The following AGO3 variants were observed in gnomAD, a reference collection of about 807,000 sequenced individuals.
The protein encoded by AGO3 is protein argonaute-3.
AGO3 carries 16 observed loss-of-function variants against 105.5 expected under a neutral mutation model. That is an observed-to-expected ratio of 0.15 (90% confidence interval 0.10 to 0.23). The LOEUF (loss-of-function observed/expected upper bound fraction) is 0.23. Among genes scored for constraint, AGO3 ranks in the 10% least tolerant of loss-of-function variants. The pLI is 1.00. For synonymous variants in AGO3, 340 were observed against 367.3 expected (o/e 0.93, Z 0.85); for missense variants, 534 against 1,088.0 (o/e 0.49, Z 7.16).
At chr1:36,025,774 A>C (rs888656366) in intron 11 of AGO3, among the ~76,000 whole-genome samples, 2 of 152,334 alleles carry the variant, frequency 1.3e-5, no homozygotes, top group East Asian at 3.9e-4. Context: ...GCAGTGGCTC[A>C]TGCCTGTAAT....
intron 2 of AGO3, among the ~76,000 whole-genome samples, chr1:35,952,434 C>T (rs1646491939): frequency 1.3e-5 from 2 of 152,068 alleles, no homozygotes; most frequent in Admixed American, 1.3e-4. Flanking sequence ...TGAGCCACTG[C>T]ATCCGGCCGG....
intron 1 of AGO3, among the ~76,000 whole-genome samples, chr1:35,934,005 A>C (rs1042989356): frequency 1.3e-5 from 2 of 152,226 alleles, no homozygotes; most frequent in African/African-American, 2.4e-5. Flanking sequence ...GATTTAACAA[A>C]AAAAAAGGTG....
Position 36,027,742 on chromosome 1 carries a change from G to A in AGO3, c.1591+444G>A, listed in dbSNP as rs1357763341. Among the ~76,000 whole-genome samples the A allele has an allele frequency of 1.3e-5, 2 of 150,386 alleles. No individual in the cohort carries two copies. Among genetic ancestry groups the A allele is most frequent in the Non-Finnish European group, 2.9e-5 (2 of 67,898 alleles). On this transcript the variant is annotated intron_variant, in intron 12 of 18. Transcript: ENST00000373191. This position sits in a 1 kb window ranked among gnomAD's most constrained non-coding sequence, Gnocchi z 4.0. ...TGCAGTGAGCCGAGATCGCACCGGT[G>A]CACTCCAGCCTGGGCGACAGAGCGA... is the stretch of plus-strand genomic sequence containing the variant.
At position 35,950,705 on chromosome 1, in the gene AGO3, A is replaced by C. The variant is rs1477851474; in HGVS notation, c.191+4842A>C. On this transcript the variant is annotated intron_variant, in intron 2 of 18. Transcript: ENST00000373191. ...GGTGAATGGTCTCAATGACTAAAAA[A>C]CAAATATTTTTTAGAAACATTATGA... Among the ~76,000 whole-genome samples the C allele has an allele frequency of 3.3e-5, 5 of 152,318 alleles. No homozygotes were observed. The South Asian group carries it at 8.3e-4, about 25-fold the overall frequency.
intron 17 of AGO3, among the ~76,000 whole-genome samples, chr1:36,046,079 C>T (rs949781821): frequency 6.6e-6 from 1 of 152,190 alleles, no homozygotes; most frequent in Non-Finnish European, 1.5e-5. Context: ...ACCTTGGACA[C>T]CTACACTGGG....
Position 36,013,616 on chromosome 1 carries a change from T to C in AGO3, c.1150-14T>C. ...GGAATTTTGAGAGTAACTACAAACT[T>C]TTTCTATTTTTAGGTAAGAAGTGCA... On this transcript the variant is annotated splice_polypyrimidine_tract_variant and intron_variant, in intron 9 of 18. Coordinates refer to ENST00000373191, the MANE Select transcript of AGO3 (RefSeq NM_024852.4). 1 of 1,612,206 alleles carries C rather than the reference T, an allele frequency of 6.2e-7. No homozygotes were observed. Among genetic ancestry groups the C allele is most frequent in the South Asian group, 1.1e-5 (1 of 90,856 alleles).
intron 1 of AGO3, among the ~76,000 whole-genome samples, chr1:35,942,204 C>T (rs559942554): frequency 2.6e-5 from 4 of 152,074 alleles, no homozygotes; most frequent in East Asian, 1.9e-4. Context: ...AGTCTCTTTT[C>T]ATCTACACTG....
chr1:36,020,694 C>A (rs1350847605), intron 11 of AGO3, among the ~76,000 whole-genome samples: 3 of 152,168 alleles, frequency 2.0e-5, no homozygotes, highest in African/African-American at 7.2e-5. Flanking sequence ...CGGCTCACTG[C>A]AACCTCCTCC....
intron 2 of AGO3, among the ~76,000 whole-genome samples, chr1:35,949,342 A>T (rs1041119125): frequency 1.3e-5 from 2 of 152,192 alleles, no homozygotes; most frequent in African/African-American, 4.8e-5. Context: ...TAATGTCAAC[A>T]TCTGCAAAAC....
chr1:35,985,149 G>A (rs1426972332), intron 5 of AGO3, among the ~76,000 whole-genome samples: 1 of 152,070 alleles, frequency 6.6e-6, no homozygotes. Context: ...CAGGCGTAGA[G>A]GTGTGTGACT....
Position 36,055,833 on chromosome 1 carries a change from C to A in AGO3, c.*88C>A. The A allele has an allele frequency of 7.8e-7, 1 of 1,288,708 alleles. No homozygotes were observed. Among genetic ancestry groups the A allele is most frequent in the Non-Finnish European group, 1.1e-6 (1 of 909,658 alleles). 79.8% of individuals were successfully genotyped at this position (1,288,708 alleles called of 1,614,324 possible). On this transcript the variant is annotated 3_prime_UTR_variant, in exon 19 of 19. Coordinates refer to ENST00000373191, the MANE Select transcript of AGO3 (RefSeq NM_024852.4). This position sits in a 1 kb window ranked among gnomAD's most constrained non-coding sequence, Gnocchi z 4.4. Reference sequence around the variant, plus strand: ...TCCAGTGAAGTCAATTGAGTAAGGACACCTCCAGCCATACAGAAACCAACA... The same window carrying A: ...TCCAGTGAAGTCAATTGAGTAAGGAAACCTCCAGCCATACAGAAACCAACA...
chr1:36,015,246 T>C (rs913636183), intron 11 of AGO3, among the ~76,000 whole-genome samples: 2 of 152,158 alleles, frequency 1.3e-5, no homozygotes, highest in Non-Finnish European at 2.9e-5. Context: ...ATAAAAGATA[T>C]TCCAAAGGAT....
intron 5 of AGO3, among the ~76,000 whole-genome samples, chr1:35,998,747 T>C (rs892972063): frequency 2.0e-5 from 3 of 152,172 alleles, no homozygotes; most frequent in African/African-American, 7.2e-5. Context: ...GTTAAACATA[T>C]TGTGTATATC....
chr1:35,967,227 A>T, intron 3 of AGO3, 152 bp downstream of exon 3: 1 of 1,147,496 alleles, frequency 8.7e-7, no homozygotes, highest in Non-Finnish European at 1.2e-6. Context: ...TCAAACTTAA[A>T]GAAAAGTTGC....
At chr1:36,000,782 T>C (rs890142135) in intron 5 of AGO3, among the ~76,000 whole-genome samples, 1 of 151,092 alleles carries the variant, frequency 6.6e-6, no homozygotes, top group Non-Finnish European at 1.5e-5. Flanking sequence ...TATATATATA[T>C]ATTTAAAACT....
Position 35,966,971 on chromosome 1 carries a change from A to G in AGO3, c.208A>G (p.Met70Val), listed in dbSNP as rs764586729. ...RRVNREVVDS[M>V]VQHFKVTIFG... ...CTTCTTTAGGGAGGTGGTTGACTCA[A>G]TGGTTCAGCATTTTAAAGTAACTAT... is the stretch of plus-strand genomic sequence containing the variant. The change falls in exon 3 of 19, where the codon ATG (methionine) becomes GTG (valine). Residue 70 changes from methionine to valine, a missense_variant. Physicochemically the swap from Met to Val is conservative, Grantham distance 21 (BLOSUM62 1). Coordinates refer to ENST00000373191, the MANE Select transcript of AGO3 (RefSeq NM_024852.4). The G allele has an allele frequency of 1.6e-5, 26 of 1,611,522 alleles. No individual in the cohort carries two copies. Among genetic ancestry groups the G allele is most frequent in the Admixed American group, 3.4e-5 (2 of 59,284 alleles).
chr1:35,975,516 T>G (rs549764115), intron 5 of AGO3, among the ~76,000 whole-genome samples: 394 of 152,348 alleles, frequency 2.6e-3, no homozygotes, highest in Non-Finnish European at 4.4e-3. Flanking sequence ...GCTATTTGTC[T>G]TTTGACCTTT....
intron 1 of AGO3, among the ~76,000 whole-genome samples, chr1:35,936,341 TG>T (rs1423118165): frequency 2.0e-5 from 3 of 152,184 alleles, no homozygotes; most frequent in Non-Finnish European, 4.4e-5. Flanking sequence ...GTGGGCATTT[TG>T]TGGTTTGGTT....
intron 5 of AGO3, among the ~76,000 whole-genome samples, chr1:35,988,944 A>C (rs1647359752): frequency 6.6e-6 from 1 of 152,172 alleles, no homozygotes; most frequent in African/African-American, 2.4e-5. Context: ...TGACCATCTT[A>C]CTTGCTTACA....
Sources: allele counts gnomAD v4.1 joint callset (sites outside exome capture counted in the v4.1 genomes callset), GRCh38; gene constraint gnomAD v4.1.1; non-coding constraint Gnocchi (gnomAD v3.1); transcripts MANE v1.5; gene names NCBI Gene and HGNC (gene_info 2026-07-23, HGNC 2026-07-21).